Variants in PRKDC observed in about 807,000 individuals in gnomAD.
PRKDC encodes the protein DNA-dependent protein kinase catalytic subunit.
In PRKDC, 82 loss-of-function variants were observed where a neutral mutation model predicts 486.9. The observed-to-expected ratio is 0.17, with a 90% CI of 0.14 to 0.20. The LOEUF is 0.20. Among genes scored for constraint, PRKDC ranks in the 10% least tolerant of loss-of-function variants. PRKDC has a pLI of 1.00. For synonymous variants in PRKDC, 1,895 were observed against 1,837.0 expected, an observed-to-expected ratio of 1.03 and a Z score of -0.81; for missense variants, 4,504 against 5,038.2, an observed-to-expected ratio of 0.89 and a Z score of 3.21.
At chr8:47,947,888 A>C (rs2090560134) in intron 7 of PRKDC, among the ~76,000 whole-genome samples, 2 of 152,046 alleles carry the variant, frequency 1.3e-5, no homozygotes, top group Admixed American at 1.3e-4. Flanking sequence ...AGTCTAGGTG[A>C]CAGGGCAAGA....
chr8:47,958,080 C>A (rs1451928498), intron 1 of PRKDC, among the ~76,000 whole-genome samples: 1 of 152,172 alleles, frequency 6.6e-6, no homozygotes, highest in Non-Finnish European at 1.5e-5. Context: ...ACTGGATTAT[C>A]CAGAGAGCCC....
chr8:47,889,203 C>T lies in PRKDC; in HGVS notation c.4091G>A (p.Cys1364Tyr). 6.2e-7 allele frequency: 1 copy of T among 1,608,354 alleles called. No individual in the cohort carries two copies. Among genetic ancestry groups the T allele is most frequent in the Non-Finnish European group, 8.5e-7 (1 of 1,177,146 alleles). ...EGWKLLKKDL[C>Y]NTHLMRVLVQ... ...CAGGACTCTCATCAGGTGTGTATTA[C>T]ACAAGTCCTTCTTCAGGAGCTGTAA... The change falls in exon 33 of 86, where the codon TGT becomes TAT. Residue 1364 changes from cysteine to tyrosine, a missense_variant. Coordinates refer to ENST00000314191, the MANE Select transcript of PRKDC (RefSeq NM_006904.7).
In PRKDC at chr8:47,839,576, T is replaced by C. The variant is rs140823759; in HGVS notation, c.7455-330A>G. 1.5e-3 allele frequency among the ~76,000 whole-genome samples: 222 copies of C among 152,330 alleles called. 1 individual carries two copies. Among genetic ancestry groups the C allele is most frequent in the African/African-American group, 4.9e-3 (204 of 41,562 alleles). The stretch of plus-strand genomic sequence containing the variant: ...CTTTGCAAGATCTTAAAAGGACAAC[T>C]ATGAAAATAGGTTTTATAAGCACAA... On this transcript the variant is annotated intron_variant, in intron 55 of 85. Coordinates refer to ENST00000314191, the MANE Select transcript of PRKDC (RefSeq NM_006904.7).
chr8:47,831,995 C>A, intron 59 of PRKDC, 69 bp from the exon 60 acceptor site: 1 of 1,393,030 alleles, frequency 7.2e-7, no homozygotes. Flanking sequence ...TTCATTTTCA[C>A]CTCGGGTTTC....
intron 58 of PRKDC, among the ~76,000 whole-genome samples, 171 bp from the exon 59 acceptor site, chr8:47,834,567 C>T (rs2087965230): frequency 1.3e-5 from 2 of 152,272 alleles, no homozygotes; most frequent in South Asian, 2.1e-4. Context: ...AAACCAGGTA[C>T]GTGCGCCTCA....
chr8:47,934,574 T>C (rs2090315797), intron 14 of PRKDC, among the ~76,000 whole-genome samples: 1 of 152,076 alleles, frequency 6.6e-6, no homozygotes, highest in African/African-American at 2.4e-5. Flanking sequence ...CGGAAAAATA[T>C]GTGATTCTTC....
At chr8:47,867,869 CAT>C (rs1216501990) in intron 40 of PRKDC, among the ~76,000 whole-genome samples, 1 of 152,150 alleles carries the variant, frequency 6.6e-6, no homozygotes, top group Non-Finnish European at 1.5e-5. Context: ...ATTGGTTTTT[CAT>C]AGACAGCCTT....
At position 47,944,524 on chromosome 8, in the gene PRKDC, C is replaced by T. The variant is rs754036297; in HGVS notation, c.722-495G>A. 1.3e-3 allele frequency among the ~76,000 whole-genome samples: 192 copies of T among 149,378 alleles called. 1 individual carries two copies. Among genetic ancestry groups the T allele is most frequent in the Non-Finnish European group, 1.8e-3 (123 of 67,384 alleles). Reference sequence around the variant, plus strand: ...AACAGAAAAAAAAACATAGTACATGCCAAGATATTATGACAATTACAAATA... The same window carrying T: ...AACAGAAAAAAAAACATAGTACATGTCAAGATATTATGACAATTACAAATA... On this transcript the variant is annotated intron_variant, in intron 7 of 85. Coordinates refer to ENST00000314191, the MANE Select transcript of PRKDC (RefSeq NM_006904.7).
At chr8:47,822,051 C>G (rs754026254) in intron 64 of PRKDC, among the ~76,000 whole-genome samples, 3 of 152,172 alleles carry the variant, frequency 2.0e-5, no homozygotes, top group Non-Finnish European at 4.4e-5. Flanking sequence ...GGGAGGCTAA[C>G]GCACATGGAT....
intron 1 of PRKDC, 140 bp from the exon 2 acceptor site, chr8:47,957,571 C>T (rs1025957404): frequency 1.8e-5 from 12 of 670,162 alleles, no homozygotes; most frequent in South Asian, 5.9e-5. Context: ...AGTGCAGCGG[C>T]GCGATCTCGG....
chr8:47,897,388 C>A, intron 29 of PRKDC, 94 bp from the exon 30 acceptor site: 1 of 1,237,184 alleles, frequency 8.1e-7, no homozygotes, highest in Admixed American at 2.4e-5. Context: ...CTTTATCACA[C>A]AGATATATGT....
In PRKDC at chr8:47,819,390, G is replaced by T. The variant is rs1353899917; in HGVS notation, c.9445+12C>A. ...TTAGAAATGAAAAAAAAAGACCGAT[G>T]AAAAAAATTACCTTGTTTGCTTATA... On this transcript the variant is annotated intron_variant, in intron 67 of 85. Transcript: ENST00000314191. The T allele has an allele frequency of 1.4e-6, 2 of 1,464,004 alleles. No individual in the cohort carries two copies. The highest frequency in any genetic ancestry group is 1.8e-6 in the Non-Finnish European group (2 of 1,085,766). The allele number at this position is 1,464,004 out of a possible 1,614,324, so 90.7% of individuals were successfully genotyped here.
chr8:47,821,024 T>G, intron 65 of PRKDC, 81 bp from the exon 66 acceptor site: 1 of 880,856 alleles, frequency 1.1e-6, no homozygotes, highest in Non-Finnish European at 1.6e-6. Flanking sequence ...TTATATTCTT[T>G]GCTATACTTT....
At chr8:47,853,885 T>C (rs1006449706) in intron 51 of PRKDC, among the ~76,000 whole-genome samples, 198 bp downstream of exon 51, 1 of 152,106 alleles carries the variant, frequency 6.6e-6, no homozygotes, top group Non-Finnish European at 1.5e-5. Flanking sequence ...AGGCTGGTCT[T>C]GAACTCCTGG....
intron 1 of PRKDC, 61 bp downstream of exon 1, chr8:47,959,912 G>C (rs1157088841): frequency 1.3e-6 from 2 of 1,503,410 alleles, no homozygotes; most frequent in African/African-American, 1.4e-5. Context: ...CGGGCTGCCC[G>C]GCTCCAGAAC....
chr8:47,838,569 A>G (rs1010652930), intron 56 of PRKDC, among the ~76,000 whole-genome samples: 3 of 150,370 alleles, frequency 2.0e-5, no homozygotes, highest in Admixed American at 2.0e-4. Context: ...CTACAGTTAC[A>G]CTACTGCACT....
At chr8:47,897,401 A>C (rs2089600204) in intron 29 of PRKDC, 107 bp from the exon 30 acceptor site, 17 of 1,138,858 alleles carry the variant, frequency 1.5e-5, no homozygotes, top group Non-Finnish European at 2.0e-5. Context: ...ATATATGTAG[A>C]AATCTCACTA....
At position 47,849,248 on chromosome 8, in the gene PRKDC, G is replaced by C; in HGVS notation, c.7186C>G (p.Leu2396Val). ...CGACAAAGTACCACCTCCAGACAGAGTGTTTTCAACACTCCATGAAATTTT... is the reference window on the plus strand; with the variant it reads ...CGACAAAGTACCACCTCCAGACAGACTGTTTTCAACACTCCATGAAATTTT... Reference protein sequence around the residue: ...LPKFHGVLKTLCLEVVLCRVE... With the variant: ...LPKFHGVLKTVCLEVVLCRVE... Residue 2396 changes from leucine (L) to valine (V), a missense_variant, in exon 54 of 86, where the codon CTC becomes GTC. By Grantham distance (32) the Leu-to-Val change is conservative. This residue lies in a region of PRKDC where 1,592 missense variants were observed against 1,724.6 expected (regional missense o/e 0.92). Transcript: ENST00000314191. The C allele has an allele frequency of 6.2e-7, 1 of 1,613,998 alleles. No individual in the cohort carries two copies. The highest frequency in any genetic ancestry group is 8.5e-7 in the Non-Finnish European group (1 of 1,179,886).
chr8:47,959,597 T>C (rs1229064161), intron 1 of PRKDC, among the ~76,000 whole-genome samples: 1 of 151,402 alleles, frequency 6.6e-6, no homozygotes, highest in East Asian at 1.9e-4. Context: ...GAGAATAGCT[T>C]GAACCCGGGA....
Sources: gnomAD v4.1 joint callset for allele counts (sites outside exome capture counted in the v4.1 genomes callset) on GRCh38, gnomAD v4.1.1 for gene constraint, gnomAD v4.1.1 regional missense constraint, MANE v1.5 for transcripts, NCBI Gene and HGNC (gene_info 2026-07-23, HGNC 2026-07-21) for gene names.